Variants in KIF15 observed in about 807,000 individuals in gnomAD.
KIF15 encodes the protein kinesin family member 15.
Under a neutral mutation model 190.6 loss-of-function variants are expected in KIF15, and 140 were observed. The ratio of observed to expected loss-of-function variants is 0.73; its 90% CI spans 0.64 to 0.84. KIF15 has a LOEUF of 0.84. Ranked by LOEUF, KIF15 falls within the 40% of genes least tolerant of loss-of-function variation. The pLI is 0.00. For missense variants in KIF15, 1,372 were observed against 1,584.4 expected (o/e 0.87, Z 2.28); for synonymous variants, 528 against 551.3 (o/e 0.96, Z 0.59).
Position 44,811,042 on chromosome 3 carries a change from A to C in KIF15, c.2168A>C (p.Gln723Pro), listed in dbSNP as rs1707761903. ...EAISEELRTV[Q>P]EQMSALQAKL... The stretch of plus-strand genomic sequence containing the variant: ...ATTTCTGAAGAGCTTAGAACAGTGC[A>C]GGTAATGTTTTGTTCTAGAAAAAAT... The change falls in exon 17 of 35, where the codon CAG (glutamine) becomes CCG (proline). Residue 723 changes from glutamine to proline, a missense_variant and splice_region_variant. Coordinates refer to ENST00000326047, the MANE Select transcript of KIF15 (RefSeq NM_020242.3). 6.3e-7 allele frequency: 1 copy of C among 1,583,854 alleles called. No homozygotes were observed. Among genetic ancestry groups the C allele is most frequent in the Admixed American group, 2.0e-5 (1 of 50,306 alleles).
chr3:44,798,253 C>T (rs1480052965), intron 10 of KIF15, among the ~76,000 whole-genome samples: 1 of 151,792 alleles, frequency 6.6e-6, no homozygotes, highest in African/African-American at 2.4e-5. Context: ...GCCTCAACTT[C>T]CTGGGCTCAA....
chr3:44,868,472 C>G (rs1699343792), intron 6 of KIF15, among the ~76,000 whole-genome samples: 1 of 152,032 alleles, frequency 6.6e-6, no homozygotes, highest in Admixed American at 6.5e-5. Flanking sequence ...GTTTTCAATT[C>G]TATTGGGTAT....
At chr3:44,844,995 A>T (rs1212699440) in intron 30 of KIF15, among the ~76,000 whole-genome samples, 1 of 152,252 alleles carries the variant, frequency 6.6e-6, no homozygotes, top group African/African-American at 2.4e-5. Flanking sequence ...GACACTGAAG[A>T]ACATCACCTA....
At chr3:44,845,432 G>A (rs573723838) in intron 30 of KIF15, among the ~76,000 whole-genome samples, 5 of 152,100 alleles carry the variant, frequency 3.3e-5, no homozygotes, top group Admixed American at 1.3e-4. Flanking sequence ...GAACTACAAC[G>A]ATTTTGGTAA....
chr3:44,812,366 C>G, intron 18 of KIF15, 77 bp downstream of exon 18: 2 of 970,230 alleles, frequency 2.1e-6, no homozygotes, highest in Non-Finnish European at 3.3e-6. Flanking sequence ...CCTCAAGGAT[C>G]CTCAAACATC....
Position 44,848,503 on chromosome 3 carries a change from T to G in KIF15, c.3769-18T>G, listed in dbSNP as rs747837025. ...ACCTAAGCAATCTTTTTATTTTCTT[T>G]TTTTAATCTTCTTATAGAGTAAAAT... On this transcript the variant is annotated intron_variant, in intron 31 of 34. Transcript: ENST00000326047. 9.5e-7 allele frequency: 1 copy of G among 1,055,876 alleles called. No individual in the cohort carries two copies. Among genetic ancestry groups the G allele is most frequent in the Non-Finnish European group, 1.4e-6 (1 of 712,632 alleles). The allele number at this position is 1,055,876 out of a possible 1,614,324, so 65.4% of individuals were successfully genotyped here.
chr3:44,765,772 T>C (rs1207164564), intron 1 of KIF15, among the ~76,000 whole-genome samples: 1 of 152,174 alleles, frequency 6.6e-6, no homozygotes, highest in African/African-American at 2.4e-5. Context: ...CTTGAATGTC[T>C]TCCTAATTAC....
chr3:44,836,790 A>T (rs535521387), intron 26 of KIF15, among the ~76,000 whole-genome samples: 2 of 152,366 alleles, frequency 1.3e-5, no homozygotes, highest in East Asian at 3.9e-4. Context: ...CATAGCCAAG[A>T]TAGGAGATCA....
intron 32 of KIF15, among the ~76,000 whole-genome samples, chr3:44,849,041 C>G (rs1698969246): frequency 1.3e-5 from 2 of 152,168 alleles, no homozygotes; most frequent in South Asian, 2.1e-4. Context: ...CTTTGATGAG[C>G]AAGGTGTACT....
chr3:44,849,396 G>A (rs1698981770), intron 32 of KIF15, among the ~76,000 whole-genome samples: 1 of 152,164 alleles, frequency 6.6e-6, no homozygotes, highest in African/African-American at 2.4e-5. Context: ...GCCGAGGCAG[G>A]TGGATTGCTT....
At chr3:44,778,338 C>T in intron 4 of KIF15, 147 bp downstream of exon 4, 1 of 678,258 alleles carries the variant, frequency 1.5e-6, no homozygotes, top group Non-Finnish European at 2.7e-6. Context: ...CAACATGGGT[C>T]TCTCACAGGT....
chr3:44,804,397 C>T (rs1707402002), intron 14 of KIF15, among the ~76,000 whole-genome samples: 1 of 152,156 alleles, frequency 6.6e-6, no homozygotes. Context: ...ATATTTTCTA[C>T]CTGATAGATG....
At chr3:44,830,473 C>T (rs1698012341) in intron 25 of KIF15, among the ~76,000 whole-genome samples, 1 of 151,758 alleles carries the variant, frequency 6.6e-6, no homozygotes, top group Non-Finnish European at 1.5e-5. Context: ...AGTTCAGAGA[C>T]ATTAATTAGA....
At chr3:44,779,096 C>T (rs1402417181) in intron 4 of KIF15, among the ~76,000 whole-genome samples, 2 of 151,604 alleles carry the variant, frequency 1.3e-5, no homozygotes, top group Non-Finnish European at 2.9e-5. Context: ...AGGTTATAAT[C>T]CAGTACTAAA....
intron 20 of KIF15, among the ~76,000 whole-genome samples, chr3:44,816,496 T>C (rs977648974): frequency 1.3e-5 from 2 of 151,752 alleles, no homozygotes; most frequent in Non-Finnish European, 2.9e-5. Context: ...AGGTGTTTGG[T>C]GTTCTGTCCT....
chr3:44,830,177 C>A, intron 25 of KIF15, 102 bp downstream of exon 25: 3 of 503,120 alleles, frequency 6.0e-6, no homozygotes, highest in South Asian at 3.3e-5. Flanking sequence ...ATTCTGTGGT[C>A]AAATAAGTTT....
chr3:44,797,587 G>A lies in KIF15; in HGVS notation c.886G>A (p.Gly296Ser). 1 of 1,613,822 alleles carries A rather than the reference G, an allele frequency of 6.2e-7. No individual in the cohort carries two copies. Among genetic ancestry groups the A allele is most frequent in the Non-Finnish European group, 8.5e-7 (1 of 1,179,942 alleles). ...CATAAATCGATCATTGAGCTGCCTGGGCCAAGTGATTACAGCACTTGTCGA... is the reference window on the plus strand; with the variant it reads ...CATAAATCGATCATTGAGCTGCCTGAGCCAAGTGATTACAGCACTTGTCGA... ...GNINRSLSCL[G>S]QVITALVDVG... is the part of the protein sequence containing the mutation. Residue 296 changes from glycine (G) to serine (S), a missense_variant, in exon 9 of 35, where the codon GGC (glycine) becomes AGC (serine). Gly to Ser is a moderately conservative substitution (Grantham distance 56). Transcript: ENST00000326047.
At chr3:44,843,909 C>G (rs1468997976) in intron 30 of KIF15, among the ~76,000 whole-genome samples, 1 of 152,084 alleles carries the variant, frequency 6.6e-6, no homozygotes, top group Non-Finnish European at 1.5e-5. Context: ...TTAAAAATTA[C>G]ATGTATAAAG....
Position 44,775,329 on chromosome 3 carries a change from G to C in KIF15, c.138G>C (p.Glu46Asp). 1 of 1,614,026 alleles carries C rather than the reference G, an allele frequency of 6.2e-7. No individual in the cohort carries two copies. ...AAAGATCTGGGTCAGCTGATGGAGA[G>C]CAGAACTTATGCTTATCTGTGCTGT... ...PAERSGSADG[E>D]QNLCLSVLSS... Residue 46 changes from glutamate (E) to aspartate (D), a missense_variant, in exon 3 of 35, where the codon GAG becomes GAC. Physicochemically the swap from Glu to Asp is conservative, Grantham distance 45. Coordinates refer to ENST00000326047, the MANE Select transcript of KIF15 (RefSeq NM_020242.3).
Sources: gnomAD v4.1 joint callset for allele counts (sites outside exome capture counted in the v4.1 genomes callset) on GRCh38, gnomAD v4.1.1 for gene constraint, MANE v1.5 for transcripts, NCBI Gene and HGNC (gene_info 2026-07-23, HGNC 2026-07-21) for gene names.